The following RGS6 variants were observed in gnomAD, a reference collection of about 807,000 sequenced individuals.
RGS6 encodes regulator of G-protein signaling 6.
In RGS6, 30 loss-of-function variants were observed where a neutral mutation model predicts 78.5. The ratio of observed to expected loss-of-function variants is 0.38; its 90% CI spans 0.29 to 0.52. The LOEUF (loss-of-function observed/expected upper bound fraction) is 0.52, where lower values mean the gene tolerates loss of function less well. Among genes scored for constraint, RGS6 ranks in the 20% least tolerant of loss-of-function variants. The pLI is 0.85. For missense variants in RGS6, 495 were observed against 609.7 expected (o/e 0.81, Z 1.98); for synonymous variants, 206 against 206.0 (o/e 1.00, Z 0.00).
chr14:71,938,149 G>A (rs142343755), intron 1 of RGS6, among the ~76,000 whole-genome samples: 2,999 of 152,258 alleles, frequency 0.02, 33 homozygotes, highest in Middle Eastern at 0.031. Flanking sequence ...GAGGTCACCC[G>A]TTGGTGAGCA....
the RGS6 span, among the ~76,000 whole-genome samples, chr14:71,889,530 G>A: frequency 1.3e-5 from 2 of 152,124 alleles, no homozygotes. Flanking sequence ...TCCTGTTGTG[G>A]AAACTCTCCC....
At chr14:71,981,251 TTC>T (rs1325993219) in intron 2 of RGS6, among the ~76,000 whole-genome samples, 3 of 152,136 alleles carry the variant, frequency 2.0e-5, no homozygotes, top group African/African-American at 7.2e-5. Flanking sequence ...TGAAGCCTTC[TTC>T]TCTCAGCTCA....
At chr14:72,451,422 T>TA (rs1374598256) in intron 3 of RGS6, among the ~76,000 whole-genome samples, 1 of 152,048 alleles carries the variant, frequency 6.6e-6, no homozygotes, top group Admixed American at 6.5e-5. Flanking sequence ...GGAGAACAAT[T>TA]AGGCCAAAGG....
At chr14:72,523,652 G>A (rs1183391866) in intron 15 of RGS6, among the ~76,000 whole-genome samples, 1 of 152,072 alleles carries the variant, frequency 6.6e-6, no homozygotes, top group Non-Finnish European at 1.5e-5. Context: ...CCCTGTTATC[G>A]TGGGCCCAGC....
the RGS6 span, among the ~76,000 whole-genome samples, chr14:72,617,061 T>C: frequency 6.6e-6 from 1 of 152,184 alleles, no homozygotes; most frequent in African/African-American, 2.4e-5. Context: ...CAAGTTCCAG[T>C]GCCCTGCCTT....
At chr14:72,477,255 A>G (rs541697010) in intron 11 of RGS6, 4 of 158,710 alleles carry the variant, frequency 2.5e-5, no homozygotes, top group Admixed American at 1.3e-4. Flanking sequence ...TCTACTCCCA[A>G]TGCCATTTCA....
At chr14:72,503,462 T>C (rs914158925) in intron 13 of RGS6, among the ~76,000 whole-genome samples, 1 of 152,212 alleles carries the variant, frequency 6.6e-6, no homozygotes, top group African/African-American at 2.4e-5. Flanking sequence ...AAAGATACCA[T>C]TCATCCTGAG....
intron 2 of RGS6, among the ~76,000 whole-genome samples, chr14:71,988,547 A>T (rs1226751557): frequency 6.6e-6 from 1 of 152,004 alleles, no homozygotes; most frequent in Non-Finnish European, 1.5e-5. Context: ...TTTGTTTATG[A>T]ATTATCTATG....
chr14:72,491,214 A>C (rs1033637847), intron 12 of RGS6, among the ~76,000 whole-genome samples: 1 of 152,228 alleles, frequency 6.6e-6, no homozygotes, highest in Non-Finnish European at 1.5e-5. Flanking sequence ...GATAACCATA[A>C]AAATATTCAT....
chr14:71,871,456 C>T, the RGS6 span, among the ~76,000 whole-genome samples: 20 of 152,290 alleles, frequency 1.3e-4, 1 homozygote, highest in East Asian at 9.6e-4. Flanking sequence ...CTCCTCAGAA[C>T]GTACACTGTG....
intron 2 of RGS6, among the ~76,000 whole-genome samples, chr14:71,985,289 A>G (rs1371312896): frequency 6.6e-6 from 1 of 152,136 alleles, no homozygotes; most frequent in African/African-American, 2.4e-5. Context: ...ATGCCCAGCT[A>G]ATTTTTGTAT....
chr14:72,602,290 T>A, the RGS6 span, among the ~76,000 whole-genome samples: 78 of 152,296 alleles, frequency 5.1e-4, no homozygotes, highest in African/African-American at 1.7e-3. Context: ...TTTGTTGCCA[T>A]ATCAGTGATT....
intron 2 of RGS6, among the ~76,000 whole-genome samples, chr14:72,285,563 G>T (rs1216250341): frequency 6.6e-6 from 1 of 152,120 alleles, no homozygotes; most frequent in Non-Finnish European, 1.5e-5. Context: ...TTTATCAGCA[G>T]CATGAAAATG....
At chr14:72,308,217 T>G (rs1367520231) in intron 2 of RGS6, among the ~76,000 whole-genome samples, 1 of 152,198 alleles carries the variant, frequency 6.6e-6, no homozygotes, top group Non-Finnish European at 1.5e-5. Context: ...ATAAAGGATG[T>G]CTTCATCTTA....
chr14:71,891,601 G>A, the RGS6 span, among the ~76,000 whole-genome samples: 1 of 152,178 alleles, frequency 6.6e-6, no homozygotes, highest in Admixed American at 6.5e-5. Flanking sequence ...AGCAATCACA[G>A]GCCCACCCAC....
At chr14:72,325,558 A>G (rs894867152) in intron 2 of RGS6, among the ~76,000 whole-genome samples, 1 of 152,182 alleles carries the variant, frequency 6.6e-6, no homozygotes, top group African/African-American at 2.4e-5. Flanking sequence ...ATCCAGTTTC[A>G]GCTTTCTACA....
In RGS6 at chr14:72,208,761, G is replaced by T. The variant is rs537276633; in HGVS notation, c.85-143334G>T. Among the ~76,000 whole-genome samples the T allele has an allele frequency of 3.3e-5, 5 of 152,244 alleles. No homozygotes were observed. The East Asian group carries it at 9.7e-4, about 29-fold the overall frequency. On this transcript the variant is annotated intron_variant, in intron 2 of 17. Coordinates refer to ENST00000553525, the MANE Select transcript of RGS6 (RefSeq NM_001204424.2). ...TCGTATCAGCAAGGCATAATAGGAT[G>T]GGAAAAGAATTAATATTATTGAATG... is the stretch of plus-strand genomic sequence containing the variant.
At chr14:72,521,895 C>A (rs1385264309) in intron 15 of RGS6, among the ~76,000 whole-genome samples, 5 of 152,308 alleles carry the variant, frequency 3.3e-5, no homozygotes, top group East Asian at 1.9e-4. Context: ...GTAAATACTA[C>A]CATCTTATTT....
chr14:72,317,595 T>C (rs2070672827), intron 2 of RGS6, among the ~76,000 whole-genome samples: 1 of 152,190 alleles, frequency 6.6e-6, no homozygotes, highest in East Asian at 1.9e-4. Flanking sequence ...TTTTTTGTTG[T>C]TGTTTCTTTT....
Sources: allele counts gnomAD v4.1 joint callset (sites outside exome capture counted in the v4.1 genomes callset), GRCh38; gene constraint gnomAD v4.1.1; transcripts MANE v1.5; gene names NCBI Gene and HGNC (gene_info 2026-07-23, HGNC 2026-07-21).